GRTP1: variants seen among roughly 807,000 people sequenced by gnomAD.
The protein encoded by GRTP1 is growth hormone regulated TBC protein 1.
GRTP1 carries 56 observed loss-of-function variants against 38.1 expected under a neutral mutation model. That is an observed-to-expected ratio of 1.47 (90% CI 1.19 to 1.84). GRTP1 has a LOEUF of 1.84. Among genes scored for constraint, GRTP1 ranks in the 40% most tolerant of loss-of-function variants. The pLI, the probability that GRTP1 is intolerant of heterozygous loss-of-function variation, is 0.00. For missense variants in GRTP1, 506 were observed against 453.9 expected (o/e 1.11, Z -1.04); for synonymous variants, 217 against 189.5 (o/e 1.14, Z -1.19).
At chr13:113,341,604 A>G (rs2043027550) in intron 5 of GRTP1, among the ~76,000 whole-genome samples, 1 of 152,002 alleles carries the variant, frequency 6.6e-6, no homozygotes, top group Non-Finnish European at 1.5e-5. Context: ...AGGTTTGTCT[A>G]TTTATCAGTT....
intron 5 of GRTP1, among the ~76,000 whole-genome samples, chr13:113,331,477 C>G (rs988928307): frequency 1.2e-4 from 19 of 152,060 alleles, no homozygotes; most frequent in Non-Finnish European, 2.5e-4. Context: ...GCAGGAGCCA[C>G]CCGGGTGCCC....
At chr13:113,357,441 C>CAAAAAAAA (rs368660991) in intron 2 of GRTP1, among the ~76,000 whole-genome samples, 19 of 97,666 alleles carry the variant, frequency 1.9e-4, no homozygotes, top group African/African-American at 7.5e-4. Flanking sequence ...GACACTGCCT[C>CAAAAAAAA]AAAAAAAAAA....
At chr13:113,358,829 TACAGCCACATTGG>T (rs1325629575) in intron 2 of GRTP1, among the ~76,000 whole-genome samples, 1 of 152,242 alleles carries the variant, frequency 6.6e-6, no homozygotes, top group African/African-American at 2.4e-5. Context: ...ATGCAAAATT[TACAGCCACATTGG>T]AAAGGCGGTT....
rs757839279 is a variant in GRTP1, at chr13:113,325,700, G to A, written c.882C>T (p.Thr294=). 6.2e-7 allele frequency: 1 copy of A among 1,614,166 alleles called. No homozygotes were observed. The highest frequency in any genetic ancestry group is 8.5e-7 in the Non-Finnish European group (1 of 1,180,024). ...PDICDKFKQI[T]KGSFVMECHT... Reference sequence around the variant, plus strand: ...GACACTCCATCACGAAACTCCCTTTGGTTATCTGCTTAAACTTATCGCAAA... The same window carrying A: ...GACACTCCATCACGAAACTCCCTTTAGTTATCTGCTTAAACTTATCGCAAA... Residue 294 remains threonine, a synonymous_variant, in exon 7 of 8, where the codon ACC becomes ACT. Coordinates refer to ENST00000375431, the MANE Select transcript of GRTP1 (RefSeq NM_024719.4).
rs1424654340 is a variant in GRTP1 at position 113,348,607 on chromosome 13, G to T, written c.465+2242C>A. Reference sequence around the variant, plus strand: ...CGGATGGGGTCATGGAGGAGTTGGTGGGCCCTATCCAAGCCTGGTGTCCTT... The same window carrying T: ...CGGATGGGGTCATGGAGGAGTTGGTTGGCCCTATCCAAGCCTGGTGTCCTT... On this transcript the variant is annotated intron_variant, in intron 4 of 7. Transcript: ENST00000375431. The surrounding 1 kb of genome is among the most constrained non-coding windows in gnomAD (Gnocchi z 4.8). Among the ~76,000 whole-genome samples the T allele has an allele frequency of 1.3e-5, 2 of 152,116 alleles. No homozygotes were observed. The highest frequency in any genetic ancestry group is 2.9e-5 in the Non-Finnish European group (2 of 68,028).
rs548059791 is a variant in GRTP1 at position 113,331,123 on chromosome 13, C to T, written c.563-5032G>A. On this transcript the variant is annotated intron_variant, in intron 5 of 7. Coordinates refer to ENST00000375431, the MANE Select transcript of GRTP1 (RefSeq NM_024719.4). Reference sequence around the variant, plus strand: ...GTGCATGGGAGCCCGGGTGTGTGCACGAAAGCCTAGGTGTGTGCATGGGAA... The same window carrying T: ...GTGCATGGGAGCCCGGGTGTGTGCATGAAAGCCTAGGTGTGTGCATGGGAA... Among the ~76,000 whole-genome samples, 7 of 145,176 alleles carry T rather than the reference C, an allele frequency of 4.8e-5. No individual in the cohort carries two copies. In the South Asian group the frequency reaches 6.8e-4, roughly 14 times the overall value.
chr13:113,348,884 C>T lies in GRTP1; in HGVS notation c.465+1965G>A, dbSNP rs192606507. ...CAGCTTCCAGAGCTGAGAGAGAATT[C>T]GTTTCCACTGTTTACCAGGCTGTGG... On this transcript the variant is annotated intron_variant, in intron 4 of 7. Coordinates refer to ENST00000375431, the MANE Select transcript of GRTP1 (RefSeq NM_024719.4). The surrounding 1 kb of genome is among the most constrained non-coding windows in gnomAD (Gnocchi z 4.8). Among the ~76,000 whole-genome samples, 40 of 152,312 alleles carry T rather than the reference C, an allele frequency of 2.6e-4. No individual in the cohort carries two copies. The highest frequency in any genetic ancestry group is 8.4e-4 in the African/African-American group (35 of 41,566).
At position 113,364,004 on chromosome 13, in the gene GRTP1, AC is replaced by A. The variant is rs2043552126; in HGVS notation, c.32+15del. On this transcript the variant is annotated intron_variant, in intron 1 of 7. Coordinates refer to ENST00000375431, the MANE Select transcript of GRTP1 (RefSeq NM_024719.4). ...GACCGCAGCCGCCGGGGACGCCCGC[AC>A]CCCGCGCCACACACCTGGGGACCCG... 1.4e-6 allele frequency: 2 copies of A among 1,461,574 alleles called. No individual in the cohort carries two copies. Among genetic ancestry groups the A allele is most frequent in the Admixed American group, 5.1e-5 (2 of 38,976 alleles). The allele number at this position is 1,461,574 out of a possible 1,614,324, so 90.5% of individuals were successfully genotyped here.
Position 113,325,959 on chromosome 13 carries a change from C to T in GRTP1, c.695G>A (p.Arg232His), listed in dbSNP as rs138890864. Residue 232 changes from arginine to histidine, a missense_variant, in exon 6 of 8, where the codon CGC becomes CAC. Physicochemically the swap from Arg to His is conservative, Grantham distance 29. Transcript: ENST00000375431. Reference sequence around the variant, plus strand: ...GTCCACAAACAGGCAGATGAACCAGCGGGACACCAGCAGCGTCCACAGCAC... The same window carrying T: ...GTCCACAAACAGGCAGATGAACCAGTGGGACACCAGCAGCGTCCACAGCAC... ...LGVLWTLLVSRWFICLFVDIL... is the reference protein window; with the variant it reads ...LGVLWTLLVSHWFICLFVDIL... The T allele has an allele frequency of 6.3e-5, 101 of 1,613,826 alleles. No individual in the cohort carries two copies. The African/African-American group carries it at 6.5e-4, about 10-fold the overall frequency.
At chr13:113,328,117 G>A (rs1291087738) in intron 5 of GRTP1, among the ~76,000 whole-genome samples, 4 of 152,210 alleles carry the variant, frequency 2.6e-5, no homozygotes, top group African/African-American at 9.6e-5. Context: ...TGAGGCGCAG[G>A]CACTGATGTT....
At chr13:113,352,272 T>TA (rs1395205884) in intron 3 of GRTP1, among the ~76,000 whole-genome samples, 1 of 99,194 alleles carries the variant, frequency 1.0e-5, no homozygotes, top group Non-Finnish European at 1.9e-5. Flanking sequence ...TTTTATATTT[T>TA]TATATATATT....
rs1275155802 is a variant in GRTP1, at chr13:113,342,106, C to T, written c.562+2757G>A. ...TACAGGCATCTGCCACCACACCTGT[C>T]TAATTTTTGTATTTTTAGTGGAGGT... On this transcript the variant is annotated intron_variant, in intron 5 of 7. Coordinates refer to ENST00000375431, the MANE Select transcript of GRTP1 (RefSeq NM_024719.4). This position sits in a 1 kb window ranked among gnomAD's most constrained non-coding sequence, Gnocchi z 4.5. Among the ~76,000 whole-genome samples the T allele has an allele frequency of 1.3e-5, 2 of 152,020 alleles. No individual in the cohort carries two copies. The highest frequency in any genetic ancestry group is 2.9e-5 in the Non-Finnish European group (2 of 67,998).
At chr13:113,359,790 CG>C (rs2043462521) in intron 2 of GRTP1, 1 of 152,138 alleles carries the variant, frequency 6.6e-6, no homozygotes. Flanking sequence ...GGAAGCTTCA[CG>C]GAACAAAGAA....
rs1464132319 is a variant in GRTP1 at position 113,348,788 on chromosome 13, G to T, written c.465+2061C>A. On this transcript the variant is annotated intron_variant, in intron 4 of 7. Coordinates refer to ENST00000375431, the MANE Select transcript of GRTP1 (RefSeq NM_024719.4). This position sits in a 1 kb window ranked among gnomAD's most constrained non-coding sequence, Gnocchi z 4.8. Reference sequence around the variant, plus strand: ...GGCCTGGGACAGTCCGTCCGTCACAGCCTCAGAAAGAACCCGCCCCGCAGA... The same window carrying T: ...GGCCTGGGACAGTCCGTCCGTCACATCCTCAGAAAGAACCCGCCCCGCAGA... Among the ~76,000 whole-genome samples the T allele has an allele frequency of 6.6e-6, 1 of 152,172 alleles. No homozygotes were observed. Among genetic ancestry groups the T allele is most frequent in the African/African-American group, 2.4e-5 (1 of 41,446 alleles).
In GRTP1 at chr13:113,329,523, GCAGTGAGCCGAGATCGTGC is replaced by G. The variant is rs1288943787; in HGVS notation, c.563-3451_563-3433del. On this transcript the variant is annotated intron_variant, in intron 5 of 7. Coordinates refer to ENST00000375431, the MANE Select transcript of GRTP1 (RefSeq NM_024719.4). ...TTGCTTGACCCGGGAGATGAAGGTT[GCAGTGAGCCGAGATCGTGC>G]CACTGCACTCCAGCCTGGGCAACAG... 2.6e-5 allele frequency among the ~76,000 whole-genome samples: 4 copies of G among 152,348 alleles called. No individual in the cohort carries two copies. In the East Asian group the frequency reaches 7.7e-4, roughly 29 times the overall value.
chr13:113,326,127 TC>T (rs749987587), intron 5 of GRTP1, 36 bp from the exon 6 acceptor site: 21 of 1,596,332 alleles, frequency 1.3e-5, no homozygotes, highest in Non-Finnish European at 2.5e-6. Context: ...CCCGAGACAC[TC>T]CCGTCACCTC....
rs1014336862 is a variant in GRTP1 at position 113,342,864 on chromosome 13, T to G, written c.562+1999A>C. On this transcript the variant is annotated intron_variant, in intron 5 of 7. Coordinates refer to ENST00000375431, the MANE Select transcript of GRTP1 (RefSeq NM_024719.4). The surrounding 1 kb of genome is among the most constrained non-coding windows in gnomAD (Gnocchi z 4.5). ...ATTTGCATTGCAGTTTCGTTCAACT[T>G]AATCTCATAATGAATATCGGAAGTG... 6.6e-6 allele frequency among the ~76,000 whole-genome samples: 1 copy of G among 152,190 alleles called. No homozygotes were observed. Among genetic ancestry groups the G allele is most frequent in the Non-Finnish European group, 1.5e-5 (1 of 68,034 alleles).
rs753844089 is a variant in GRTP1 at position 113,325,680 on chromosome 13, T to TC, written c.901dup (p.Glu301GlyfsTer57). ...ACACACCTGCATAAACGTGTGACACTCCATCACGAAACTCCCTTTGGTTAT... is the reference window on the plus strand; with the variant it reads ...ACACACCTGCATAAACGTGTGACACTCCCATCACGAAACTCCCTTTGGTTAT... On this transcript the variant is annotated frameshift_variant, in exon 7 of 8. Transcript: ENST00000375431. LOFTEE classifies it high-confidence loss of function. 4 of 1,614,092 alleles carry TC rather than the reference T, an allele frequency of 2.5e-6. No homozygotes were observed. The highest frequency in any genetic ancestry group is 2.2e-5 in the East Asian group (1 of 44,866).
chr13:113,350,004 T>C (rs12585399), intron 4 of GRTP1, among the ~76,000 whole-genome samples: 50,196 of 151,896 alleles, frequency 0.33, 8,758 homozygotes, highest in East Asian at 0.6. Context: ...CCAATCCCGG[T>C]GGCAGCCGTG....
Sources: allele counts gnomAD v4.1 joint callset (sites outside exome capture counted in the v4.1 genomes callset), GRCh38; gene constraint gnomAD v4.1.1; non-coding constraint Gnocchi (gnomAD v3.1); transcripts MANE v1.5; gene names NCBI Gene and HGNC (gene_info 2026-07-23, HGNC 2026-07-21).